Variants in GMDS observed in about 807,000 individuals in gnomAD.
GMDS encodes the protein GDP-mannose 4,6 dehydratase.
GMDS carries 20 observed loss-of-function variants against 49.9 expected under a neutral mutation model. That is an observed-to-expected ratio of 0.40 (90% CI 0.28 to 0.58). GMDS has a LOEUF of 0.58. Ranked by LOEUF, GMDS falls within the 20% of genes least tolerant of loss-of-function variation. GMDS has a pLI of 0.42. For synonymous variants in GMDS, 177 were observed against 178.6 expected, an observed-to-expected ratio of 0.99 and a Z score of 0.07; for missense variants, 362 against 481.4, an observed-to-expected ratio of 0.75 and a Z score of 2.32.
At chr6:1,671,432 C>T (rs1301591914) in intron 9 of GMDS, among the ~76,000 whole-genome samples, 1 of 152,076 alleles carries the variant, frequency 6.6e-6, no homozygotes, top group African/African-American at 2.4e-5. Context: ...AAAAACAACA[C>T]CCACCCCCAC....
intron 9 of GMDS, among the ~76,000 whole-genome samples, chr6:1,725,697 G>C (rs1236516137): frequency 6.6e-6 from 1 of 152,224 alleles, no homozygotes; most frequent in East Asian, 1.9e-4. Context: ...CTCCCAAAGG[G>C]CTGGGATTAT....
chr6:2,122,466 T>TCTCATCCG (rs1562075572), intron 2 of GMDS, among the ~76,000 whole-genome samples: 2 of 152,202 alleles, frequency 1.3e-5, no homozygotes, highest in African/African-American at 4.8e-5. Context: ...TCTCTCATCC[T>TCTCATCCG]ACTTCATGCA....
intron 9 of GMDS, among the ~76,000 whole-genome samples, chr6:1,669,968 G>A (rs911928136): frequency 6.7e-6 from 1 of 150,066 alleles, no homozygotes; most frequent in Non-Finnish European, 1.5e-5. Flanking sequence ...CATGATGGCT[G>A]GGTGACCGGA....
chr6:1,679,496 C>G (rs1478940295), intron 9 of GMDS: 1 of 152,270 alleles, frequency 6.6e-6, no homozygotes, highest in African/African-American at 2.4e-5. Flanking sequence ...CCAGCTAATG[C>G]TGCTCCGTGC....
intron 4 of GMDS, among the ~76,000 whole-genome samples, chr6:1,982,945 A>C (rs557633679): frequency 1.3e-4 from 20 of 152,324 alleles, no homozygotes; most frequent in Non-Finnish European, 2.9e-4. Context: ...AAAAGAACAA[A>C]ACTGGAGGCA....
chr6:1,924,914 CA>C (rs1445355636), intron 7 of GMDS, among the ~76,000 whole-genome samples: 5 of 151,862 alleles, frequency 3.3e-5, no homozygotes, highest in African/African-American at 1.2e-4. Flanking sequence ...GCCGAAATCG[CA>C]CCACTGCACT....
intron 9 of GMDS, among the ~76,000 whole-genome samples, chr6:1,684,310 A>G (rs1406363275): frequency 6.6e-6 from 1 of 152,192 alleles, no homozygotes; most frequent in Non-Finnish European, 1.5e-5. Context: ...GAGCCTGGCC[A>G]CAGACATACT....
intron 7 of GMDS, among the ~76,000 whole-genome samples, chr6:1,853,678 A>C (rs1373997867): frequency 6.6e-6 from 1 of 152,202 alleles, no homozygotes; most frequent in Non-Finnish European, 1.5e-5. Flanking sequence ...GCCTAATGAA[A>C]ATTTCATAAG....
chr6:2,070,297 T>C (rs1029118572), intron 4 of GMDS, among the ~76,000 whole-genome samples: 5 of 144,538 alleles, frequency 3.5e-5, no homozygotes, highest in Admixed American at 1.4e-4. Flanking sequence ...AGGGATAGCA[T>C]TGGGAGATAT....
chr6:2,046,654 G>GT lies in GMDS; in HGVS notation c.345+69116dup, dbSNP rs550973391. On this transcript the variant is annotated intron_variant, in intron 4 of 10. Transcript: ENST00000380815. ...TTTTGTATTTTTTTGTGGAGATGAG[G>GT]TTTTGTCACGTTGCCCAGACTGATC... 1.4e-4 allele frequency among the ~76,000 whole-genome samples: 21 copies of GT among 152,144 alleles called. No homozygotes were observed. In the East Asian group the frequency reaches 1.7e-3, roughly 13 times the overall value.
chr6:1,780,099 G>A (rs534432077), intron 7 of GMDS, among the ~76,000 whole-genome samples: 4 of 152,358 alleles, frequency 2.6e-5, no homozygotes, highest in South Asian at 4.1e-4. Flanking sequence ...GAAAAAGAGC[G>A]AAGTGAATCC....
Position 1,936,232 on chromosome 6 carries a change from C to T in GMDS, c.644-6002G>A, listed in dbSNP as rs115615477. Among the ~76,000 whole-genome samples, 753 of 152,288 alleles carry T rather than the reference C, an allele frequency of 4.9e-3. 6 individuals carry two copies. The highest frequency in any genetic ancestry group is 0.014 in the African/African-American group (570 of 41,566). The stretch of plus-strand genomic sequence containing the variant: ...TCCACACTAAGAATAAAATATCATG[C>T]TACAGGAAGCAGTGAAGCAAGGCTC... On this transcript the variant is annotated intron_variant, in intron 6 of 10. Transcript: ENST00000380815.
intron 9 of GMDS, among the ~76,000 whole-genome samples, chr6:1,704,247 G>A (rs749176698): frequency 3.3e-5 from 5 of 151,994 alleles, no homozygotes; most frequent in Admixed American, 6.6e-5. Flanking sequence ...AAAGAGGACC[G>A]CAGGGGTGGG....
rs988211889 is a variant in GMDS, at chr6:2,245,463, G to A, written c.-41C>T. The A allele has an allele frequency of 7.5e-6, 9 of 1,204,992 alleles. No homozygotes were observed. The highest frequency in any genetic ancestry group is 6.5e-5 in the African/African-American group (4 of 61,798). The allele number at this position is 1,204,992 out of a possible 1,614,324, so 74.6% of individuals were successfully genotyped here. A position where few individuals can be genotyped will look rare whatever the true frequency, so the allele number is the denominator to read the frequency against. On this transcript the variant is annotated 5_prime_UTR_variant, in exon 1 of 11. Transcript: ENST00000380815. ...TGCGGTCGGCGGCAGGGCGGAGCGC[G>A]GCAGAGGGCAGGCGCGGTGCCGGCA...
At chr6:1,890,534 CT>C (rs1561868013) in intron 7 of GMDS, among the ~76,000 whole-genome samples, 1 of 151,928 alleles carries the variant, frequency 6.6e-6, no homozygotes, top group African/African-American at 2.4e-5. Flanking sequence ...TGCTTTTTTA[CT>C]TTTTTGATGG....
intron 4 of GMDS, among the ~76,000 whole-genome samples, chr6:2,102,295 T>C (rs892482027): frequency 6.6e-6 from 1 of 152,158 alleles, no homozygotes; most frequent in African/African-American, 2.4e-5. Flanking sequence ...AAAAATGTTA[T>C]TAATTATCCA....
chr6:1,893,168 T>C (rs1759961474), intron 7 of GMDS, among the ~76,000 whole-genome samples: 1 of 151,496 alleles, frequency 6.6e-6, no homozygotes, highest in Non-Finnish European at 1.5e-5. Flanking sequence ...AGAACAACAG[T>C]TTCTCATCTC....
intron 4 of GMDS, among the ~76,000 whole-genome samples, chr6:2,091,326 T>A (rs1439259300): frequency 6.6e-6 from 1 of 152,224 alleles, no homozygotes; most frequent in Non-Finnish European, 1.5e-5. Context: ...CATTTTCCAT[T>A]ACTAGGAACT....
At chr6:2,049,106 G>A (rs540158018) in intron 4 of GMDS, among the ~76,000 whole-genome samples, 1 of 152,196 alleles carries the variant, frequency 6.6e-6, no homozygotes, top group Non-Finnish European at 1.5e-5. Context: ...CCTTGATCTT[G>A]TGACTTCCCG....
Sources: allele counts gnomAD v4.1 joint callset (sites outside exome capture counted in the v4.1 genomes callset), GRCh38; gene constraint gnomAD v4.1.1; transcripts MANE v1.5; gene names NCBI Gene and HGNC (gene_info 2026-07-23, HGNC 2026-07-21).